CD160: variants seen among roughly 807,000 people sequenced by gnomAD.
CD160 encodes the protein CD160 antigen.
CD160 carries 11 observed loss-of-function variants against 19.2 expected under a neutral mutation model. The observed-to-expected ratio is 0.57, with a 90% CI of 0.36 to 0.95. The LOEUF is 0.95. Among genes scored for constraint, CD160 ranks in the 40% least tolerant of loss-of-function variants. CD160 has a pLI of 0.01. For missense variants in CD160, 182 were observed against 213.2 expected (o/e 0.85, Z 0.91); for synonymous variants, 75 against 81.1 (o/e 0.93, Z 0.40).
intron 3 of CD160, among the ~76,000 whole-genome samples, chr1:145,728,683 T>C (rs1258181939): frequency 1.3e-5 from 2 of 152,036 alleles, no homozygotes; most frequent in Admixed American, 6.6e-5. Flanking sequence ...TTTGTATTTT[T>C]AGTAGAGACG....
intron 3 of CD160, among the ~76,000 whole-genome samples, 155 bp from the exon 4 acceptor site, chr1:145,730,589 T>C (rs1657247607): frequency 6.6e-6 from 1 of 152,208 alleles, no homozygotes; most frequent in African/African-American, 2.4e-5. Context: ...CACACAGCCA[T>C]CGATAGAGCT....
intron 1 of CD160, among the ~76,000 whole-genome samples, chr1:145,723,040 T>C (rs1262905149): frequency 6.6e-6 from 1 of 152,174 alleles, no homozygotes; most frequent in Non-Finnish European, 1.5e-5. Flanking sequence ...ATTTTATTCA[T>C]TTATCCTCTT....
At chr1:145,731,154 C>A in intron 4 of CD160, 84 bp downstream of exon 4, 2 of 1,077,242 alleles carry the variant, frequency 1.9e-6, no homozygotes, top group East Asian at 2.4e-5. Context: ...AGTTCAGGTC[C>A]TGGAAAGGCA....
rs76683886 is a variant in CD160 at position 145,729,135 on chromosome 1, A to G, written c.73+735A>G. On this transcript the variant is annotated intron_variant, in intron 3 of 5. Coordinates refer to ENST00000369288, the MANE Select transcript of CD160 (RefSeq NM_007053.4). ...ATAGAAGTTCCAGCTGGAAAGTAGAAATAAAATATAAACCATTTTGGAGTG... is the reference window on the plus strand; with the variant it reads ...ATAGAAGTTCCAGCTGGAAAGTAGAGATAAAATATAAACCATTTTGGAGTG... 6.4e-3 allele frequency among the ~76,000 whole-genome samples: 978 copies of G among 152,302 alleles called. 12 individuals are homozygous for G. The highest frequency in any genetic ancestry group is 0.014 in the Admixed American group (211 of 15,298).
intron 1 of CD160, among the ~76,000 whole-genome samples, chr1:145,722,805 A>G (rs1275502413): frequency 1.3e-5 from 2 of 152,100 alleles, no homozygotes; most frequent in Non-Finnish European, 2.9e-5. Context: ...CGTGTTAGCC[A>G]GGATGGTCTC....
At chr1:145,735,512 G>A (rs1454041407) in intron 4 of CD160, among the ~76,000 whole-genome samples, 1 of 152,082 alleles carries the variant, frequency 6.6e-6, no homozygotes, top group Non-Finnish European at 1.5e-5. Flanking sequence ...ATTGGGCTCG[G>A]GGCATGAGGC....
chr1:145,730,852 G>A lies in CD160; in HGVS notation c.182G>A (p.Cys61Tyr). The part of the protein sequence containing the change: ...EEAEGFVVFL[C>Y]KDRSGDCSPE... ...GCTGAGGGGTTTGTAGTGTTTTTGT[G>A]CAAGGACAGGTCTGGAGACTGTTCT... The change falls in exon 4 of 6, where the codon TGC (cysteine) becomes TAC (tyrosine). Residue 61 changes from cysteine (C) to tyrosine (Y), a missense_variant. By Grantham distance (194) the Cys-to-Tyr change is radical. Transcript: ENST00000369288. The A allele has an allele frequency of 6.2e-7, 1 of 1,614,142 alleles. No individual in the cohort carries two copies. The highest frequency in any genetic ancestry group is 8.5e-7 in the Non-Finnish European group (1 of 1,179,990).
intron 1 of CD160, among the ~76,000 whole-genome samples, chr1:145,720,967 C>G (rs1199018276): frequency 2.0e-5 from 3 of 152,204 alleles, no homozygotes; most frequent in African/African-American, 7.2e-5. Flanking sequence ...CAGCGCAGCT[C>G]AGGAGCCCCG....
At chr1:145,731,967 T>A (rs781828185) in intron 4 of CD160, among the ~76,000 whole-genome samples, 1 of 152,200 alleles carries the variant, frequency 6.6e-6, no homozygotes, top group Non-Finnish European at 1.5e-5. Flanking sequence ...CGTTTCAAAC[T>A]GTGAGGCAGC....
chr1:145,731,300 T>C (rs1194988880), intron 4 of CD160, among the ~76,000 whole-genome samples: 1 of 152,218 alleles, frequency 6.6e-6, no homozygotes, highest in Admixed American at 6.5e-5. Flanking sequence ...GCATTTTTAC[T>C]GACAGGGAGA....
chr1:145,735,076 G>A (rs922712282), intron 4 of CD160, among the ~76,000 whole-genome samples: 10 of 152,082 alleles, frequency 6.6e-5, no homozygotes, highest in South Asian at 6.2e-4. Context: ...CACTGCACTC[G>A]AGCCTGGGCG....
At chr1:145,726,382 C>A (rs1657050208) in intron 2 of CD160, among the ~76,000 whole-genome samples, 1 of 152,134 alleles carries the variant, frequency 6.6e-6, no homozygotes, top group Non-Finnish European at 1.5e-5. Flanking sequence ...ACATATACAC[C>A]ATGGAATACT....
At chr1:145,724,941 T>C (rs1432149371) in intron 2 of CD160, 35 bp downstream of exon 2, 2 of 151,932 alleles carry the variant, frequency 1.3e-5, no homozygotes, top group African/African-American at 4.8e-5. Flanking sequence ...TTTTTGTATT[T>C]TTTGTAAAGA....
intron 1 of CD160, among the ~76,000 whole-genome samples, 159 bp downstream of exon 1, chr1:145,719,718 T>C (rs1656752286): frequency 6.6e-6 from 1 of 152,192 alleles, no homozygotes; most frequent in Admixed American, 6.5e-5. Context: ...AGGTTATTTC[T>C]GCCCGCCAGA....
chr1:145,738,254 C>G, intron 5 of CD160: 1 of 347,248 alleles, frequency 2.9e-6, no homozygotes, highest in Middle Eastern at 4.5e-4. Context: ...AAGGAGCGAT[C>G]AAAGGCTAGC....
chr1:145,723,211 A>C (rs1656921980), intron 1 of CD160, among the ~76,000 whole-genome samples: 1 of 152,130 alleles, frequency 6.6e-6, no homozygotes, highest in Non-Finnish European at 1.5e-5. Flanking sequence ...GATTGTGACA[A>C]ATGTATAGAT....
intron 5 of CD160, chr1:145,736,604 AT>A (rs140597155): frequency 1.8e-5 from 3 of 162,838 alleles, no homozygotes; most frequent in Admixed American, 1.2e-4. Context: ...ACCAATATAG[AT>A]TAGCGTTTTC....
In CD160 at chr1:145,731,036, C is replaced by A; in HGVS notation, c.366C>A (p.Arg122=). 1 of 1,614,030 alleles carries A rather than the reference C, an allele frequency of 6.2e-7. No homozygotes were observed. The highest frequency in any genetic ancestry group is 8.5e-7 in the Non-Finnish European group (1 of 1,179,960). The change falls in exon 4 of 6, where the codon CGC becomes CGA. Residue 122 remains arginine (R), a synonymous_variant. Transcript: ENST00000369288. ...CCAGAAGCCAGAAGTCAGGTATCCG[C>A]CTTCAGGGCCATTTTTTCTCCATTC... ...CCARSQKSGI[R]LQGHFFSILF...
At chr1:145,723,618 C>G (rs1285076477) in intron 1 of CD160, among the ~76,000 whole-genome samples, 1 of 152,102 alleles carries the variant, frequency 6.6e-6, no homozygotes, top group Non-Finnish European at 1.5e-5. Flanking sequence ...AAGTTTTGCT[C>G]TGTTGCCCAG....
Sources: gnomAD v4.1 joint callset for allele counts (sites outside exome capture counted in the v4.1 genomes callset) on GRCh38, gnomAD v4.1.1 for gene constraint, MANE v1.5 for transcripts, NCBI Gene and HGNC (gene_info 2026-07-23, HGNC 2026-07-21) for gene names.